Variants in QPCTL observed in about 807,000 individuals in gnomAD.
QPCTL encodes the protein glutaminyl-peptide cyclotransferase like, also known as glutaminyl-peptide cyclotransferase-like protein.
Under a neutral mutation model 34.6 loss-of-function variants are expected in QPCTL, and 31 were observed. The ratio of observed to expected loss-of-function variants is 0.90; its 90% CI spans 0.67 to 1.21. The LOEUF (loss-of-function observed/expected upper bound fraction) is 1.21. Among genes scored for constraint, QPCTL ranks in the 50% most tolerant of loss-of-function variants. The pLI is 0.00. For synonymous variants in QPCTL, 223 were observed against 226.9 expected (o/e 0.98, Z 0.15); for missense variants, 474 against 507.8 (o/e 0.93, Z 0.64).
At chr19:45,698,770 G>C in intron 4 of QPCTL, 31 bp from the exon 5 acceptor site, 1 of 1,613,280 alleles carries the variant, frequency 6.2e-7, no homozygotes, top group Non-Finnish European at 8.5e-7. Context: ...CATCCTGCAC[G>C]GGCCCCTCCA....
chr19:45,703,208 T>G lies in QPCTL; in HGVS notation c.*159T>G. On this transcript the variant is annotated 3_prime_UTR_variant, in exon 7 of 7. Coordinates refer to ENST00000012049, the MANE Select transcript of QPCTL (RefSeq NM_017659.4). Reference sequence around the variant, plus strand: ...ATTGGAAGACCTTCTTTCTTTTGATTGTCTCAAGCTGCCACCCTTCAAGGA... The same window carrying G: ...ATTGGAAGACCTTCTTTCTTTTGATGGTCTCAAGCTGCCACCCTTCAAGGA... 1 of 955,280 alleles carries G rather than the reference T, an allele frequency of 1.0e-6. No homozygotes were observed. Among genetic ancestry groups the G allele is most frequent in the Non-Finnish European group, 1.5e-6 (1 of 651,308 alleles). The allele number at this position is 955,280 out of a possible 1,614,324, so 59.2% of individuals were successfully genotyped here. A position where few individuals can be genotyped will look rare whatever the true frequency, so the allele number is the denominator to read the frequency against.
chr19:45,696,087 A>G (rs1209983894), intron 3 of QPCTL, among the ~76,000 whole-genome samples: 1 of 151,454 alleles, frequency 6.6e-6, no homozygotes, highest in Admixed American at 6.6e-5. Context: ...CTCTCCCCCA[A>G]ACCCTCCCAG....
At chr19:45,699,427 A>G (rs1600343512) in intron 5 of QPCTL, among the ~76,000 whole-genome samples, 1 of 151,878 alleles carries the variant, frequency 6.6e-6, no homozygotes, top group South Asian at 2.1e-4. Context: ...GGTCAAGGCT[A>G]TAGTGAGCCA....
chr19:45,701,757 C>G (rs1967815164), intron 5 of QPCTL, 41 bp from the exon 6 acceptor site: 1 of 1,508,646 alleles, frequency 6.6e-7, no homozygotes, highest in Non-Finnish European at 9.1e-7. Flanking sequence ...CCTTCGACTA[C>G]TAAGGACTAA....
At chr19:45,694,838 C>T (rs1391383999) in intron 2 of QPCTL, among the ~76,000 whole-genome samples, 2 of 152,120 alleles carry the variant, frequency 1.3e-5, no homozygotes, top group East Asian at 1.9e-4. Flanking sequence ...TTGGCAGTCC[C>T]TCCCCTAAAT....
In QPCTL at chr19:45,695,431, C is replaced by A. The variant is rs373364104; in HGVS notation, c.352-6C>A. 9 of 1,606,764 alleles carry A rather than the reference C, an allele frequency of 5.6e-6. No homozygotes were observed. Among genetic ancestry groups the A allele is most frequent in the Non-Finnish European group, 6.8e-6 (8 of 1,174,830 alleles). ...GTCCACCCTCCCACCTCTCTCTTGC[C>A]GCTAGTTCCTGGAGGCCACGCTGCG... On this transcript the variant is annotated splice_region_variant and splice_polypyrimidine_tract_variant and intron_variant, in intron 2 of 6. Coordinates refer to ENST00000012049, the MANE Select transcript of QPCTL (RefSeq NM_017659.4).
intron 2 of QPCTL, among the ~76,000 whole-genome samples, chr19:45,694,047 G>A (rs527241802): frequency 6.6e-6 from 1 of 152,072 alleles, no homozygotes; most frequent in South Asian, 2.1e-4. Flanking sequence ...GCTCCGAGCT[G>A]GTGCTGTAAT....
intron 5 of QPCTL, among the ~76,000 whole-genome samples, chr19:45,700,936 C>T (rs1427242673): frequency 6.8e-5 from 9 of 132,284 alleles, no homozygotes; most frequent in African/African-American, 2.0e-4. Flanking sequence ...TCCAGCCTGG[C>T]GACAGAGCAA....
At position 45,701,876 on chromosome 19, in the gene QPCTL, G is replaced by C. The variant is rs1374497885; in HGVS notation, c.965G>C (p.Gly322Ala). The C allele has an allele frequency of 1.9e-6, 3 of 1,613,864 alleles. No individual in the cohort carries two copies. Among genetic ancestry groups the C allele is most frequent in the Non-Finnish European group, 2.5e-6 (3 of 1,179,908 alleles). Residue 322 changes from glycine to alanine, a missense_variant, in exon 6 of 7, where the codon GGC becomes GCC. By Grantham distance (60) the Gly-to-Ala change is moderately conservative (BLOSUM62 0). Coordinates refer to ENST00000012049, the MANE Select transcript of QPCTL (RefSeq NM_017659.4). ...VMYFQPGEPF[G>A]SVEDDHIPFL... The stretch of plus-strand genomic sequence containing the variant: ...TACTTCCAACCCGGGGAGCCCTTTG[G>C]CTCTGTGGAAGACGACCACATCCCC...
intron 5 of QPCTL, 62 bp downstream of exon 5, chr19:45,698,962 C>A: frequency 6.8e-7 from 1 of 1,474,766 alleles, no homozygotes. Flanking sequence ...GGGCGGTGGG[C>A]TGGGGTAGGA....
Position 45,702,956 on chromosome 19 carries a change from C to T in QPCTL, c.1056C>T (p.Thr352=). 1 of 1,614,044 alleles carries T rather than the reference C, an allele frequency of 6.2e-7. No individual in the cohort carries two copies. The highest frequency in any genetic ancestry group is 2.2e-5 in the East Asian group (1 of 44,876). The stretch of plus-strand genomic sequence containing the variant: ...CGCCCTTCCCTGCTGTCTGGCACAC[C>T]CCTGCGGACACCGAGGTCAATCTCC... ...ISTPFPAVWH[T]PADTEVNLHP... is the part of the protein sequence containing the mutation. Residue 352 remains threonine, a synonymous_variant, in exon 7 of 7, where the codon ACC becomes ACT. Transcript: ENST00000012049.
At chr19:45,696,351 G>A (rs1187990460) in intron 3 of QPCTL, among the ~76,000 whole-genome samples, 1 of 152,104 alleles carries the variant, frequency 6.6e-6, no homozygotes, top group Non-Finnish European at 1.5e-5. Flanking sequence ...CCAGCACTTT[G>A]GGAGGTTGAG....
rs751872773 is a variant in QPCTL, at chr19:45,693,455, G to A, written c.250G>A (p.Val84Met). 5 of 1,613,208 alleles carry A rather than the reference G, an allele frequency of 3.1e-6. No homozygotes were observed. Among genetic ancestry groups the A allele is most frequent in the South Asian group, 1.1e-5 (1 of 90,910 alleles). Reference sequence around the variant, plus strand: ...CCTCCCCGAAGCCCGGCTGCGGAGGGTGGTGGGACAACTGGATCCACAGCG... The same window carrying A: ...CCTCCCCGAAGCCCGGCTGCGGAGGATGGTGGGACAACTGGATCCACAGCG... ...GSLPEARLRRVVGQLDPQRLW... is the reference protein window; with the variant it reads ...GSLPEARLRRMVGQLDPQRLW... The change falls in exon 2 of 7, where the codon GTG becomes ATG. Residue 84 changes from valine to methionine, a missense_variant. Physicochemically the swap from Val to Met is conservative, Grantham distance 21 (BLOSUM62 1). Transcript: ENST00000012049.
At position 45,692,828 on chromosome 19, in the gene QPCTL, T is replaced by C; in HGVS notation, c.125T>C (p.Leu42Pro). 1.3e-6 allele frequency: 2 copies of C among 1,565,286 alleles called. No individual in the cohort carries two copies. The highest frequency in any genetic ancestry group is 1.7e-6 in the Non-Finnish European group (2 of 1,154,612). Reference sequence around the variant, plus strand: ...CGGCTCTTGCCTCTGTTGCTGGCGCTGGCCGTGGGCTCGGCGTTCTACACC... The same window carrying C: ...CGGCTCTTGCCTCTGTTGCTGGCGCCGGCCGTGGGCTCGGCGTTCTACACC... ...RVRLLPLLLA[L>P]AVGSAFYTIW... The change falls in exon 1 of 7, where the codon CTG becomes CCG. Residue 42 changes from leucine (L) to proline (P), a missense_variant. Physicochemically the swap from Leu to Pro is moderately conservative, Grantham distance 98. Coordinates refer to ENST00000012049, the MANE Select transcript of QPCTL (RefSeq NM_017659.4).
In QPCTL at chr19:45,694,613, GGTGT is replaced by G. The variant is rs566146071; in HGVS notation, c.352-822_352-819del. On this transcript the variant is annotated intron_variant, in intron 2 of 6. Coordinates refer to ENST00000012049, the MANE Select transcript of QPCTL (RefSeq NM_017659.4). ...AGCCTCCTGAGTAGCTGGGATTACA[GGTGT>G]GCACCACCATGCCTGGCTAATTTTT... Among the ~76,000 whole-genome samples, 401 of 151,972 alleles carry G rather than the reference GGTGT, an allele frequency of 2.6e-3. 1 individual carries two copies. Among genetic ancestry groups the G allele is most frequent in the Non-Finnish European group, 3.5e-3 (238 of 67,992 alleles).
chr19:45,695,779 C>CA, intron 3 of QPCTL, 61 bp downstream of exon 3: 1 of 1,485,740 alleles, frequency 6.7e-7, no homozygotes, highest in Non-Finnish European at 9.0e-7. Flanking sequence ...AGCCCCCACC[C>CA]TCCCTTGCCT....
In QPCTL at chr19:45,692,707, C is replaced by G. The variant is rs752190389; in HGVS notation, c.4C>G (p.Arg2Gly). 12 of 1,539,312 alleles carry G rather than the reference C, an allele frequency of 7.8e-6. No individual in the cohort carries two copies. In the South Asian group the frequency reaches 1.4e-4, roughly 18 times the overall value. The change falls in exon 1 of 7, where the codon CGT becomes GGT. Residue 2 changes from arginine (R) to glycine (G), a missense_variant. Coordinates refer to ENST00000012049, the MANE Select transcript of QPCTL (RefSeq NM_017659.4). ...CAGGTTTCAGGGCAAAGCGGCCATG[C>G]GTTCCGGGGGCCGCGGGCGACCCCG... is the stretch of plus-strand genomic sequence containing the variant. M[R>G]SGGRGRPRLR...
At chr19:45,694,378 C>CA (rs916322305) in intron 2 of QPCTL, among the ~76,000 whole-genome samples, 54 of 144,246 alleles carry the variant, frequency 3.7e-4, no homozygotes, top group Admixed American at 9.7e-4. Flanking sequence ...GACTCCATCT[C>CA]AAAAAAAAAA....
chr19:45,700,907 C>G (rs903670411), intron 5 of QPCTL, among the ~76,000 whole-genome samples: 1 of 143,396 alleles, frequency 7.0e-6, no homozygotes. Flanking sequence ...TGCAGTGAGC[C>G]GAGATTGTGC....
Sources: gnomAD v4.1 joint callset for allele counts (sites outside exome capture counted in the v4.1 genomes callset) on GRCh38, gnomAD v4.1.1 for gene constraint, MANE v1.5 for transcripts, NCBI Gene and HGNC (gene_info 2026-07-23, HGNC 2026-07-21) for gene names.